Variants in AAK1 observed in about 807,000 individuals in gnomAD.
The protein encoded by AAK1 is AP2 associated kinase 1, also known as AP2-associated protein kinase 1.
A neutral mutation model predicts 116.0 loss-of-function variants in AAK1; 37 were observed. The observed-to-expected ratio is 0.32, with a 90% CI of 0.25 to 0.42. The LOEUF (loss-of-function observed/expected upper bound fraction) is 0.42, where lower values mean the gene tolerates loss of function less well. AAK1 is among the 10% of genes least tolerant of loss of function. The pLI is 1.00. For synonymous variants in AAK1, 458 were observed against 439.9 expected, an observed-to-expected ratio of 1.04 and a Z score of -0.51; for missense variants, 919 against 1,170.6, an observed-to-expected ratio of 0.79 and a Z score of 3.14.
intron 16 of AAK1, among the ~76,000 whole-genome samples, chr2:69,498,897 G>A (rs184396257): frequency 6.6e-6 from 1 of 152,334 alleles, no homozygotes; most frequent in Admixed American, 6.5e-5. Context: ...CCCAGCCCCA[G>A]CTCAACTAGA....
At position 69,458,073 on chromosome 2, in the gene AAK1, A is replaced by G. The variant is rs1674256227; in HGVS notation, c.*17796T>C. 1 of 152,212 alleles carries G rather than the reference A, an allele frequency of 6.6e-6. No homozygotes were observed. Among genetic ancestry groups the G allele is most frequent in the Admixed American group, 6.5e-5 (1 of 15,286 alleles). The allele number at this position is 152,212 out of a possible 1,614,324, so 9.4% of individuals were successfully genotyped here. ...ACAATTCATAAAACCTATCAGATAC[A>G]TACGATAAATCACACCGAGAGTGCA... On this transcript the variant is annotated 3_prime_UTR_variant, in exon 22 of 22. Transcript: ENST00000409085.
chr2:69,549,110 T>G (rs1165635606), intron 3 of AAK1, among the ~76,000 whole-genome samples: 1 of 152,156 alleles, frequency 6.6e-6, no homozygotes. Flanking sequence ...GGCTCACGCC[T>G]GTAATCCCAG....
Position 69,466,212 on chromosome 2 carries a change from G to C in AAK1, c.*9657C>G. On this transcript the variant is annotated 3_prime_UTR_variant, in exon 22 of 22. Transcript: ENST00000409085. ...ACCTTGCACTGTCTTTGCTTGCTCAGGAGAGACTTCTGGTGGAGCGAATGG... is the reference window on the plus strand; with the variant it reads ...ACCTTGCACTGTCTTTGCTTGCTCACGAGAGACTTCTGGTGGAGCGAATGG... 7.8e-7 allele frequency: 1 copy of C among 1,289,800 alleles called. No individual in the cohort carries two copies. Among genetic ancestry groups the C allele is most frequent in the Admixed American group, 2.3e-5 (1 of 43,566 alleles). The allele number at this position is 1,289,800 out of a possible 1,614,324, so 79.9% of individuals were successfully genotyped here. A position where few individuals can be genotyped will look rare whatever the true frequency, so the allele number is the denominator to read the frequency against.
chr2:69,567,985 G>T (rs1178509040), intron 2 of AAK1, among the ~76,000 whole-genome samples: 2 of 152,172 alleles, frequency 1.3e-5, no homozygotes, highest in African/African-American at 4.8e-5. Context: ...GGCATAAATT[G>T]TGCTCATCCC....
Position 69,643,181 on chromosome 2 carries a change from GT to G in AAK1, c.-142del. 1 of 1,434,300 alleles carries G rather than the reference GT, an allele frequency of 7.0e-7. No homozygotes were observed. The highest frequency in any genetic ancestry group is 9.1e-7 in the Non-Finnish European group (1 of 1,103,084). 88.8% of individuals were successfully genotyped at this position (1,434,300 alleles called of 1,614,324 possible). ...GAGCCACCCGAATCCGGCCGTGGGG[GT>G]GGGGGCTGAGGGAGGATGCCTATAG... On this transcript the variant is annotated 5_prime_UTR_variant, in exon 2 of 22. Coordinates refer to ENST00000409085, the MANE Select transcript of AAK1 (RefSeq NM_014911.5).
chr2:69,543,754 G>A (rs1670818447), intron 4 of AAK1, among the ~76,000 whole-genome samples: 1 of 152,180 alleles, frequency 6.6e-6, no homozygotes, highest in African/African-American at 2.4e-5. Context: ...AACTAAGGGT[G>A]ATTACAAAAC....
chr2:69,587,344 C>CACATAT (rs1672818262), intron 2 of AAK1, among the ~76,000 whole-genome samples: 1 of 147,700 alleles, frequency 6.8e-6, no homozygotes, highest in African/African-American at 2.6e-5. Flanking sequence ...TGCGTGCACA[C>CACATAT]ACACATATAT....
chr2:69,531,495 G>A (rs1670254935), intron 6 of AAK1: 1 of 786,436 alleles, frequency 1.3e-6, no homozygotes, highest in Non-Finnish European at 1.5e-6. Context: ...TTGTGGACAT[G>A]AGGAGAAAAT....
At chr2:69,531,732 C>A in intron 6 of AAK1, 1 of 1,063,496 alleles carries the variant, frequency 9.4e-7, no homozygotes. Flanking sequence ...AGTACTTTTA[C>A]GGTGTGTGCA....
In AAK1 at chr2:69,468,226, G is replaced by A. The variant is rs945251664; in HGVS notation, c.*7643C>T. ...ATAAACAGAATACCTTCTTCCTTGCGATTTATGTGGACAGACATAATCCTA... is the reference window on the plus strand; with the variant it reads ...ATAAACAGAATACCTTCTTCCTTGCAATTTATGTGGACAGACATAATCCTA... On this transcript the variant is annotated 3_prime_UTR_variant, in exon 22 of 22. Coordinates refer to ENST00000409085, the MANE Select transcript of AAK1 (RefSeq NM_014911.5). The A allele has an allele frequency of 1.6e-5, 16 of 985,270 alleles. No homozygotes were observed. The highest frequency in any genetic ancestry group is 1.8e-5 in the Non-Finnish European group (15 of 829,932). The allele number at this position is 985,270 out of a possible 1,614,324, so 61.0% of individuals were successfully genotyped here. A position where few individuals can be genotyped will look rare whatever the true frequency, so the allele number is the denominator to read the frequency against.
At chr2:69,556,448 C>A (rs542590799) in intron 3 of AAK1, among the ~76,000 whole-genome samples, 28 of 152,220 alleles carry the variant, frequency 1.8e-4, no homozygotes, top group Non-Finnish European at 3.1e-4. Flanking sequence ...AGGATATGTT[C>A]ACAGGATTTT....
At chr2:69,547,308 A>G (rs539037014) in intron 3 of AAK1, among the ~76,000 whole-genome samples, 18 of 152,336 alleles carry the variant, frequency 1.2e-4, no homozygotes, top group African/African-American at 3.4e-4. Flanking sequence ...TGGCACTATT[A>G]AGACAGTCTA....
intron 2 of AAK1, among the ~76,000 whole-genome samples, chr2:69,625,887 G>A (rs1460140183): frequency 6.6e-6 from 1 of 151,798 alleles, no homozygotes; most frequent in Admixed American, 6.6e-5. Context: ...CACATCTAAG[G>A]AACTCCTCCA....
intron 11 of AAK1, among the ~76,000 whole-genome samples, chr2:69,520,487 T>C (rs1408710433): frequency 6.6e-6 from 1 of 151,810 alleles, no homozygotes; most frequent in Non-Finnish European, 1.5e-5. Context: ...GCCTCCCCAG[T>C]AGCTGGGACT....
chr2:69,475,151 T>A lies in AAK1; in HGVS notation c.*718A>T. On this transcript the variant is annotated 3_prime_UTR_variant, in exon 22 of 22. Transcript: ENST00000409085. ...GATCTCAAATACTTGCAGTCACGTC[T>A]CCAGATCTGAGAAATCACGGTTCAA... is the stretch of plus-strand genomic sequence containing the variant. 1 of 985,884 alleles carries A rather than the reference T, an allele frequency of 1.0e-6. No individual in the cohort carries two copies. Among genetic ancestry groups the A allele is most frequent in the Non-Finnish European group, 1.2e-6 (1 of 829,952 alleles). The allele number at this position is 985,884 out of a possible 1,614,324, so 61.1% of individuals were successfully genotyped here.
intron 14 of AAK1, among the ~76,000 whole-genome samples, chr2:69,507,851 C>T (rs963898753): frequency 1.3e-5 from 2 of 152,004 alleles, no homozygotes; most frequent in African/African-American, 2.4e-5. Flanking sequence ...GGATTACAGG[C>T]GCATGCCACC....
chr2:69,603,550 G>A (rs1673672201), intron 2 of AAK1, among the ~76,000 whole-genome samples: 1 of 152,098 alleles, frequency 6.6e-6, no homozygotes, highest in African/African-American at 2.4e-5. Flanking sequence ...ATCCACATGT[G>A]AGTCACTTCA....
chr2:69,583,622 G>C (rs911610247), intron 2 of AAK1, among the ~76,000 whole-genome samples: 1 of 152,182 alleles, frequency 6.6e-6, no homozygotes, highest in Non-Finnish European at 1.5e-5. Flanking sequence ...CTTCATGGCT[G>C]AAAGTCCAAA....
At chr2:69,547,598 A>T (rs1369913739) in intron 3 of AAK1, among the ~76,000 whole-genome samples, 3 of 152,204 alleles carry the variant, frequency 2.0e-5, no homozygotes, top group Non-Finnish European at 4.4e-5. Context: ...CTATAATAAA[A>T]AACAAATAAT....
Sources: allele counts gnomAD v4.1 joint callset (sites outside exome capture counted in the v4.1 genomes callset), GRCh38; gene constraint gnomAD v4.1.1; transcripts MANE v1.5; gene names NCBI Gene and HGNC (gene_info 2026-07-23, HGNC 2026-07-21).